PDE4A: variants seen among roughly 807,000 people sequenced by gnomAD.
PDE4A encodes the protein 3',5'-cyclic-AMP phosphodiesterase 4A.
In PDE4A, 21 loss-of-function variants were observed where a neutral mutation model predicts 73.9. The ratio of observed to expected loss-of-function variants is 0.28; its 90% CI spans 0.20 to 0.41. The LOEUF (loss-of-function observed/expected upper bound fraction) is 0.41, where lower values mean the gene tolerates loss of function less well. PDE4A is among the 10% of genes least tolerant of loss of function. PDE4A has a pLI of 1.00. For missense variants in PDE4A, 958 were observed against 1,211.4 expected (o/e 0.79, Z 3.10); for synonymous variants, 463 against 505.4 (o/e 0.92, Z 1.13).
intron 1 of PDE4A, among the ~76,000 whole-genome samples, chr19:10,440,938 A>C (rs2042929857): frequency 1.5e-5 from 2 of 134,384 alleles, no homozygotes; most frequent in African/African-American, 2.9e-5. Context: ...GGGTTTCACC[A>C]TGCTGCCCTG....
At chr19:10,416,970 G>A, upstream of PDE4A, 16 of 1,544,254 alleles carry the variant, frequency 1.0e-5, no homozygotes, top group Non-Finnish European at 1.4e-5. Context: ...TGCCCTGTCC[G>A]TGGCAGGGAC....
intron 1 of PDE4A, among the ~76,000 whole-genome samples, chr19:10,437,427 C>CT (rs201031451): frequency 0.059 from 8,883 of 149,306 alleles, 408 homozygotes; most frequent in South Asian, 0.19. Flanking sequence ...CGGCCTTTTT[C>CT]TTTTTTTTTT....
chr19:10,423,157 CTTTT>C (rs61513692), intron 1 of PDE4A: 2,427 of 750,978 alleles, frequency 3.2e-3, no homozygotes, highest in Non-Finnish European at 3.4e-3. Context: ...AACCCTTTCT[CTTTT>C]TTTTTTTTTT....
intron 6 of PDE4A, among the ~76,000 whole-genome samples, chr19:10,454,104 A>C: frequency 6.6e-6 from 1 of 152,074 alleles, no homozygotes; most frequent in South Asian, 2.1e-4. Context: ...AGGGGCCTCC[A>C]AGCCCGGTTT....
At chr19:10,437,420 C>G (rs187094286) in intron 1 of PDE4A, among the ~76,000 whole-genome samples, 2 of 151,442 alleles carry the variant, frequency 1.3e-5, no homozygotes, top group Admixed American at 1.3e-4. Context: ...CCGTGCCCGG[C>G]CTTTTTCTTT....
At chr19:10,445,900 C>T (rs2042997152) in intron 1 of PDE4A, among the ~76,000 whole-genome samples, 2 of 147,464 alleles carry the variant, frequency 1.4e-5, no homozygotes, top group African/African-American at 2.5e-5. Flanking sequence ...TGCAGTGGCA[C>T]GATCTTGGCT....
At chr19:10,462,092 T>C in intron 13 of PDE4A, 93 bp downstream of exon 13, 6 of 1,006,000 alleles carry the variant, frequency 6.0e-6, no homozygotes, top group Non-Finnish European at 8.9e-6. Context: ...TCAGCCTCTT[T>C]CTCCCAAGTG....
chr19:10,459,344 T>C, intron 8 of PDE4A, 56 bp from the exon 9 acceptor site: 1 of 1,612,660 alleles, frequency 6.2e-7, no homozygotes, highest in Non-Finnish European at 8.5e-7. Context: ...CTAGGAAATG[T>C]TCTCCAGGGC....
chr19:10,447,217 CTTTTTTTTTTTTT>C (rs34169084), intron 2 of PDE4A, among the ~76,000 whole-genome samples: 1 of 59,200 alleles, frequency 1.7e-5, no homozygotes, highest in Non-Finnish European at 2.9e-5. Flanking sequence ...CTTTTTTTCT[CTTTTTTTTTTTTT>C]TTTTTTTTTT....
intron 1 of PDE4A, chr19:10,432,452 G>C: frequency 6.7e-7 from 1 of 1,481,702 alleles, no homozygotes; most frequent in East Asian, 3.0e-5. Flanking sequence ...CCGGTGCAGC[G>C]CCCCGGGCCC....
At chr19:10,459,520 G>A in intron 9 of PDE4A, 22 bp downstream of exon 9, 1 of 1,611,902 alleles carries the variant, frequency 6.2e-7, no homozygotes, top group Non-Finnish European at 8.5e-7. Flanking sequence ...AGCTGGGAGT[G>A]GGCCCGGGTG....
chr19:10,459,768 C>G lies in PDE4A; in HGVS notation c.1365+9C>G, dbSNP rs199812844. On this transcript the variant is annotated intron_variant, in intron 10 of 14. Transcript: ENST00000380702. Reference sequence around the variant, plus strand: ...CCACGCCTGCACTAGATGTGAGTGACTGCCCTGTGAGTGACCGTCCCCATC... The same window carrying G: ...CCACGCCTGCACTAGATGTGAGTGAGTGCCCTGTGAGTGACCGTCCCCATC... 2 of 1,598,166 alleles carry G rather than the reference C, an allele frequency of 1.3e-6. No homozygotes were observed. The highest frequency in any genetic ancestry group is 1.7e-6 in the Non-Finnish European group (2 of 1,169,232).
In PDE4A at chr19:10,457,748, G is replaced by A. The variant is rs2043194286; in HGVS notation, c.878-131G>A. 9 of 1,461,816 alleles carry A rather than the reference G, an allele frequency of 6.2e-6. No homozygotes were observed. In the East Asian group the frequency reaches 7.2e-5, roughly 12 times the overall value. 90.6% of individuals were successfully genotyped at this position (1,461,816 alleles called of 1,614,324 possible). ...GGTTTCCTGACTCTGAGTAGCCAGC[G>A]GCATCACAGCTGAAAGGGTTCTGCC... On this transcript the variant is annotated intron_variant, in intron 7 of 14. Coordinates refer to ENST00000380702, the MANE Select transcript of PDE4A (RefSeq NM_001111307.2).
intron 1 of PDE4A, among the ~76,000 whole-genome samples, chr19:10,443,690 G>A (rs1421474057): frequency 6.6e-6 from 1 of 152,078 alleles, no homozygotes; most frequent in Non-Finnish European, 1.5e-5. Flanking sequence ...TCCAGCCTGG[G>A]CGATAGAGCG....
Position 10,436,282 on chromosome 19 carries a change from G to A in PDE4A, c.321-9936G>A, listed in dbSNP as rs577163796. On this transcript the variant is annotated intron_variant, in intron 1 of 14. Coordinates refer to ENST00000380702, the MANE Select transcript of PDE4A (RefSeq NM_001111307.2). ...TAACAGGACTTATATGTTGCCAGGCGCAGTAGCTCACACCTGTAATCCCAG... is the reference window on the plus strand; with the variant it reads ...TAACAGGACTTATATGTTGCCAGGCACAGTAGCTCACACCTGTAATCCCAG... Among the ~76,000 whole-genome samples, 149 of 152,214 alleles carry A rather than the reference G, an allele frequency of 9.8e-4. 1 individual carries two copies. The highest frequency in any genetic ancestry group is 3.4e-3 in the African/African-American group (140 of 41,546).
At chr19:10,432,454 C>G (rs2042806871) in intron 1 of PDE4A, 1 of 1,486,432 alleles carries the variant, frequency 6.7e-7, no homozygotes, top group Non-Finnish European at 8.9e-7. Flanking sequence ...GGTGCAGCGC[C>G]CCGGGCCCGG....
Position 10,431,019 on chromosome 19 carries a change from T to TTCCGCAGACGCCTTCGGCTTC in PDE4A, c.320+9943_320+9963dup, listed in dbSNP as rs919553987. On this transcript the variant is annotated intron_variant, in intron 1 of 14. Transcript: ENST00000380702. Reference sequence around the variant, plus strand: ...CTTCTTCGCCAGCCCGTCCCCAACTTTCCGCAGACGCCTTCGGCTTCTCCG... The same window carrying TTCCGCAGACGCCTTCGGCTTC: ...CTTCTTCGCCAGCCCGTCCCCAACTTTCCGCAGACGCCTTCGGCTTCTCCGCAGACGCCTTCGGCTTCTCCG... 3 of 1,578,486 alleles carry TTCCGCAGACGCCTTCGGCTTC rather than the reference T, an allele frequency of 1.9e-6. No individual in the cohort carries two copies. The African/African-American group carries it at 4.1e-5, about 22-fold the overall frequency.
intron 14 of PDE4A, among the ~76,000 whole-genome samples, chr19:10,466,112 C>T (rs2043365648): frequency 6.8e-6 from 1 of 148,002 alleles, no homozygotes; most frequent in Non-Finnish European, 1.5e-5. Context: ...AAGCAATTCT[C>T]CCTGCCTCAG....
At chr19:10,463,631 G>A (rs1290830435) in intron 13 of PDE4A, 162 bp from the exon 14 acceptor site, 2 of 844,714 alleles carry the variant, frequency 2.4e-6, no homozygotes, top group African/African-American at 3.7e-5. Flanking sequence ...TTGAACTCCT[G>A]ACCTCATGAT....
Sources: allele counts gnomAD v4.1 joint callset (sites outside exome capture counted in the v4.1 genomes callset), GRCh38; gene constraint gnomAD v4.1.1; transcripts MANE v1.5; gene names NCBI Gene and HGNC (gene_info 2026-07-23, HGNC 2026-07-21).